ASIC2: variants seen among roughly 807,000 people sequenced by gnomAD.
The protein encoded by ASIC2 is acid sensing ion channel subunit 2, also known as acid-sensing ion channel 2.
A neutral mutation model predicts 57.3 loss-of-function variants in ASIC2; 25 were observed. That is an observed-to-expected ratio of 0.44 (90% CI 0.32 to 0.61). ASIC2 has a LOEUF of 0.61. Ranked by LOEUF, ASIC2 falls within the 20% of genes least tolerant of loss-of-function variation. The pLI, the probability that ASIC2 is intolerant of heterozygous loss-of-function variation, is 0.06. For missense variants in ASIC2, 641 were observed against 738.1 expected (o/e 0.87, Z 1.52); for synonymous variants, 319 against 307.5 (o/e 1.04, Z -0.39).
chr17:33,798,572 T>C (rs781063199), intron 1 of ASIC2, among the ~76,000 whole-genome samples: 12 of 152,202 alleles, frequency 7.9e-5, no homozygotes, highest in Non-Finnish European at 1.5e-4. Flanking sequence ...GGCTGGCATC[T>C]TGATGGGGAG....
intron 3 of ASIC2, among the ~76,000 whole-genome samples, chr17:33,076,354 C>T (rs374810281): frequency 6.6e-6 from 1 of 152,330 alleles, no homozygotes; most frequent in East Asian, 1.9e-4. Context: ...AGGCTGGACC[C>T]CTCCTCCTTT....
chr17:33,520,380 A>G (rs1914703697), intron 1 of ASIC2, among the ~76,000 whole-genome samples: 1 of 152,180 alleles, frequency 6.6e-6, no homozygotes, highest in Admixed American at 6.5e-5. Context: ...TGTTTGTCAC[A>G]GCTACACCAT....
chr17:33,830,144 G>C (rs1913058809), intron 1 of ASIC2, among the ~76,000 whole-genome samples: 1 of 152,004 alleles, frequency 6.6e-6, no homozygotes, highest in African/African-American at 2.4e-5. Context: ...CTGAAATCTG[G>C]CTTCCTCAGA....
At chr17:33,579,692 A>G (rs896075513) in intron 1 of ASIC2, among the ~76,000 whole-genome samples, 6 of 152,326 alleles carry the variant, frequency 3.9e-5, no homozygotes, top group African/African-American at 1.4e-4. Context: ...GTGAAGCTAC[A>G]GACCTTCGCA....
chr17:33,142,014 T>C (rs1005697627), intron 1 of ASIC2, among the ~76,000 whole-genome samples: 1 of 152,234 alleles, frequency 6.6e-6, no homozygotes, highest in Non-Finnish European at 1.5e-5. Flanking sequence ...CATATATTTA[T>C]GTGTGTAAGA....
intron 1 of ASIC2, among the ~76,000 whole-genome samples, chr17:33,603,457 T>C (rs893424199): frequency 1.3e-5 from 2 of 152,212 alleles, no homozygotes; most frequent in Non-Finnish European, 2.9e-5. Context: ...TTTTGGATCA[T>C]GGCCTGATAG....
At chr17:33,181,622 CT>C (rs2142059285) in intron 1 of ASIC2, among the ~76,000 whole-genome samples, 1 of 152,308 alleles carries the variant, frequency 6.6e-6, no homozygotes, top group African/African-American at 2.4e-5. Context: ...CATCTCAAAT[CT>C]CCCTTTCCTT....
At chr17:33,737,164 T>G (rs1909939386) in intron 1 of ASIC2, among the ~76,000 whole-genome samples, 1 of 152,272 alleles carries the variant, frequency 6.6e-6, no homozygotes, top group Non-Finnish European at 1.5e-5. Flanking sequence ...TCCACATTTA[T>G]TTTACCCTTA....
chr17:33,679,203 T>A (rs1907922759), intron 1 of ASIC2, among the ~76,000 whole-genome samples: 1 of 152,138 alleles, frequency 6.6e-6, no homozygotes, highest in Non-Finnish European at 1.5e-5. Context: ...TTGGATTACC[T>A]CCTTTATAGA....
chr17:33,677,100 A>G (rs1229976537), intron 1 of ASIC2, among the ~76,000 whole-genome samples: 4 of 152,164 alleles, frequency 2.6e-5, no homozygotes, highest in African/African-American at 7.2e-5. Context: ...TCTTTTACTT[A>G]TAATTTACCC....
chr17:34,136,782 C>G (rs1281541069), intron 1 of ASIC2, among the ~76,000 whole-genome samples: 1 of 152,158 alleles, frequency 6.6e-6, no homozygotes, highest in African/African-American at 2.4e-5. Flanking sequence ...CAGAATAAAC[C>G]TCTTCAAATA....
chr17:33,440,490 G>T (rs916907438), intron 1 of ASIC2, among the ~76,000 whole-genome samples: 1 of 152,212 alleles, frequency 6.6e-6, no homozygotes, highest in African/African-American at 2.4e-5. Flanking sequence ...CCTAGAAATT[G>T]CTGGGTCACA....
chr17:34,128,966 A>G (rs1911872730), intron 1 of ASIC2, among the ~76,000 whole-genome samples: 1 of 152,130 alleles, frequency 6.6e-6, no homozygotes, highest in Non-Finnish European at 1.5e-5. Context: ...GTGGTTTCTT[A>G]TATTGAGAAC....
chr17:33,810,398 T>C (rs1912385016), intron 1 of ASIC2, among the ~76,000 whole-genome samples: 1 of 152,252 alleles, frequency 6.6e-6, no homozygotes, highest in Non-Finnish European at 1.5e-5. Context: ...ACACTAATTA[T>C]GTCAGAATGT....
intron 1 of ASIC2, among the ~76,000 whole-genome samples, chr17:33,457,464 G>A (rs779831274): frequency 6.6e-6 from 1 of 152,106 alleles, no homozygotes; most frequent in Non-Finnish European, 1.5e-5. Flanking sequence ...TATCACCAGA[G>A]CCAAAATAAT....
chr17:33,711,657 T>G (rs1909040837), intron 1 of ASIC2, among the ~76,000 whole-genome samples: 1 of 152,032 alleles, frequency 6.6e-6, no homozygotes, highest in African/African-American at 2.4e-5. Flanking sequence ...AGCAAGCACG[T>G]CTTATCACGG....
chr17:33,393,063 A>G (rs1909958514), intron 1 of ASIC2, among the ~76,000 whole-genome samples: 2 of 152,032 alleles, frequency 1.3e-5, no homozygotes, highest in Middle Eastern at 3.2e-3. Flanking sequence ...CATTGTAATC[A>G]CTTCCAAACT....
chr17:33,851,465 T>C (rs1296687278), intron 1 of ASIC2, among the ~76,000 whole-genome samples: 1 of 152,164 alleles, frequency 6.6e-6, no homozygotes, highest in African/African-American at 2.4e-5. Context: ...GAAGTTCTCT[T>C]GTCAAACTCA....
At chr17:33,754,303 T>G (rs1910523132) in intron 1 of ASIC2, among the ~76,000 whole-genome samples, 1 of 152,076 alleles carries the variant, frequency 6.6e-6, no homozygotes. Flanking sequence ...GCAGGTGGCG[T>G]TCCTTCTGGT....
Sources: gnomAD v4.1 joint callset for allele counts (sites outside exome capture counted in the v4.1 genomes callset) on GRCh38, gnomAD v4.1.1 for gene constraint, MANE v1.5 for transcripts, NCBI Gene and HGNC (gene_info 2026-07-23, HGNC 2026-07-21) for gene names.